Variants in PTPRD observed in about 807,000 individuals in gnomAD.
PTPRD encodes the protein protein tyrosine phosphatase receptor type D.
In PTPRD, 34 loss-of-function variants were observed where a neutral mutation model predicts 214.5. That is an observed-to-expected ratio of 0.16 (90% confidence interval 0.12 to 0.21). The LOEUF (loss-of-function observed/expected upper bound fraction) is 0.21, where lower values mean the gene tolerates loss of function less well. Among genes scored for constraint, PTPRD ranks in the 10% least tolerant of loss-of-function variants. The pLI is 1.00. For synonymous variants in PTPRD, 1,128 were observed against 845.7 expected (o/e 1.33, Z -5.79); for missense variants, 2,545 against 2,398.7 (o/e 1.06, Z -1.27).
At chr9:9,897,987 A>G (rs931106890) in intron 5 of PTPRD, among the ~76,000 whole-genome samples, 1 of 151,688 alleles carries the variant, frequency 6.6e-6, no homozygotes, top group Non-Finnish European at 1.5e-5. Flanking sequence ...TGTTTAAATA[A>G]ATCTTTACTT....
chr9:9,974,857 G>C (rs781112309), intron 4 of PTPRD, among the ~76,000 whole-genome samples: 10 of 152,150 alleles, frequency 6.6e-5, no homozygotes, highest in Non-Finnish European at 1.2e-4. Context: ...TGCAGTGAGT[G>C]AGAACTTGCT....
intron 4 of PTPRD, among the ~76,000 whole-genome samples, chr9:9,968,638 T>C (rs1316742640): frequency 1.3e-5 from 2 of 152,060 alleles, no homozygotes; most frequent in Non-Finnish European, 2.9e-5. Flanking sequence ...GGCTTCCTGA[T>C]CAAGTTGTCA....
At chr9:8,861,402 G>C (rs965920814) in intron 11 of PTPRD, 3 of 152,102 alleles carry the variant, frequency 2.0e-5, no homozygotes, top group Admixed American at 1.3e-4. Flanking sequence ...AACACAGAGT[G>C]CATTATACAT....
intron 9 of PTPRD, among the ~76,000 whole-genome samples, chr9:9,192,002 C>G (rs1485025750): frequency 1.3e-5 from 2 of 151,912 alleles, no homozygotes; most frequent in Admixed American, 1.3e-4. Context: ...ACTTAAATAG[C>G]TAACCCAATT....
chr9:9,031,213 A>C (rs201994155), intron 10 of PTPRD, among the ~76,000 whole-genome samples: 1 of 145,232 alleles, frequency 6.9e-6, no homozygotes, highest in African/African-American at 2.5e-5. Context: ...TACTAGTATT[A>C]TATTACTAAT....
At chr9:8,849,003 T>C (rs1176474515) in intron 11 of PTPRD, among the ~76,000 whole-genome samples, 2 of 152,102 alleles carry the variant, frequency 1.3e-5, no homozygotes, top group Non-Finnish European at 2.9e-5. Flanking sequence ...AACTATTACA[T>C]ATCAACCACT....
chr9:9,205,695 A>C (rs1239397816), intron 9 of PTPRD, among the ~76,000 whole-genome samples: 2 of 152,100 alleles, frequency 1.3e-5, no homozygotes, highest in African/African-American at 4.8e-5. Context: ...GTATGCTGTA[A>C]TTGCCAAGTC....
chr9:9,641,411 A>G (rs1432007042), intron 7 of PTPRD, among the ~76,000 whole-genome samples: 2 of 152,268 alleles, frequency 1.3e-5, no homozygotes, highest in African/African-American at 2.4e-5. Context: ...TTCAAATAAG[A>G]TGATGAGCAG....
intron 3 of PTPRD, among the ~76,000 whole-genome samples, chr9:10,272,249 T>G (rs952617912): frequency 3.3e-5 from 5 of 152,236 alleles, no homozygotes; most frequent in Non-Finnish European, 5.9e-5. Flanking sequence ...ACATAATGTT[T>G]TCAAGATACA....
intron 8 of PTPRD, among the ~76,000 whole-genome samples, chr9:9,434,175 G>C (rs2084277521): frequency 6.6e-6 from 1 of 152,118 alleles, no homozygotes; most frequent in South Asian, 2.1e-4. Context: ...TGAAAACTAA[G>C]ATTAAGTATT....
At chr9:10,045,373 G>A (rs1416363025) in intron 3 of PTPRD, among the ~76,000 whole-genome samples, 3 of 151,698 alleles carry the variant, frequency 2.0e-5, no homozygotes, top group Non-Finnish European at 4.4e-5. Flanking sequence ...CTTGGGACAA[G>A]CAAATTAGCA....
At chr9:9,644,919 C>T (rs2096098358) in intron 7 of PTPRD, among the ~76,000 whole-genome samples, 3 of 152,210 alleles carry the variant, frequency 2.0e-5, no homozygotes. Context: ...AATAAAATCT[C>T]TGCATCTTTC....
chr9:9,609,363 C>A (rs1489074950), intron 7 of PTPRD, among the ~76,000 whole-genome samples: 1 of 151,946 alleles, frequency 6.6e-6, no homozygotes, highest in Non-Finnish European at 1.5e-5. Flanking sequence ...CCCATGCTAC[C>A]TTAAAAAAAC....
intron 14 of PTPRD, among the ~76,000 whole-genome samples, chr9:8,549,386 A>G (rs896410122): frequency 1.3e-5 from 2 of 152,126 alleles, no homozygotes; most frequent in Non-Finnish European, 2.9e-5. Flanking sequence ...AAAGGTCAAG[A>G]TTTGTGTTTC....
chr9:8,452,612 T>C (rs926881756), intron 33 of PTPRD, among the ~76,000 whole-genome samples: 2 of 152,176 alleles, frequency 1.3e-5, no homozygotes, highest in South Asian at 2.1e-4. Context: ...TCTATTAAGA[T>C]TATAAAATGT....
Position 10,525,716 on chromosome 9 carries a change from A to G in PTPRD, c.-600+86682T>C, listed in dbSNP as rs2054037995. Among the ~76,000 whole-genome samples the G allele has an allele frequency of 2.6e-5, 3 of 116,700 alleles. No homozygotes were observed. In the Admixed American group the frequency reaches 2.8e-4, roughly 11 times the overall value. The allele number at this position is 116,700 out of a possible 152,430, so 76.6% of individuals were successfully genotyped here. A position where few individuals can be genotyped will look rare whatever the true frequency, so the allele number is the denominator to read the frequency against. On this transcript the variant is annotated intron_variant, in intron 2 of 45. Coordinates refer to ENST00000381196, the MANE Select transcript of PTPRD (RefSeq NM_002839.4). ...TTCACAAGTCAGGGAAGGATCCACA[A>G]AGATTTTCAAAGTGTGTGTGTGTGT...
At chr9:10,050,041 G>A (rs914164728) in intron 3 of PTPRD, among the ~76,000 whole-genome samples, 2 of 152,124 alleles carry the variant, frequency 1.3e-5, no homozygotes, top group Non-Finnish European at 2.9e-5. Flanking sequence ...GATCTCATCT[G>A]TTAGTGCCAT....
At chr9:8,731,008 A>T (rs1439893645) in intron 12 of PTPRD, among the ~76,000 whole-genome samples, 9 of 152,236 alleles carry the variant, frequency 5.9e-5, no homozygotes, top group Non-Finnish European at 1.3e-4. Flanking sequence ...TGGATATACA[A>T]GGCATTTTAA....
rs71317383 is a variant in PTPRD at position 8,933,340 on chromosome 9, G to GTTTTTTTTTT, written c.-104+85347_-104+85356dup. Reference sequence around the variant, plus strand: ...CCATCTTGCCAGCCACAACCTTGAGGTTTTTTTTTTTTTTTTTTTTTTTAC... The same window carrying GTTTTTTTTTT: ...CCATCTTGCCAGCCACAACCTTGAGGTTTTTTTTTTTTTTTTTTTTTTTTTTTTTTTTTAC... On this transcript the variant is annotated intron_variant, in intron 11 of 45. Coordinates refer to ENST00000381196, the MANE Select transcript of PTPRD (RefSeq NM_002839.4). Among the ~76,000 whole-genome samples the GTTTTTTTTTT allele has an allele frequency of 4.7e-3, 378 of 80,366 alleles. 36 individuals carry two copies. The highest frequency in any genetic ancestry group is 6.5e-3 in the Non-Finnish European group (283 of 43,522). The allele number at this position is 80,366 out of a possible 152,430, so 52.7% of individuals were successfully genotyped here.
Sources: gnomAD v4.1 joint callset for allele counts (sites outside exome capture counted in the v4.1 genomes callset) on GRCh38, gnomAD v4.1.1 for gene constraint, MANE v1.5 for transcripts, NCBI Gene and HGNC (gene_info 2026-07-23, HGNC 2026-07-21) for gene names.